SYNDIG1: variants seen among roughly 807,000 people sequenced by gnomAD.
The protein encoded by SYNDIG1 is synapse differentiation inducing 1.
In SYNDIG1, 9 loss-of-function variants were observed where a neutral mutation model predicts 19.4. The observed-to-expected ratio is 0.46, with a 90% CI of 0.28 to 0.81. SYNDIG1 has a LOEUF of 0.81. SYNDIG1 is among the 30% of genes least tolerant of loss of function. SYNDIG1 has a pLI of 0.12. For missense variants in SYNDIG1, 311 were observed against 343.3 expected, an observed-to-expected ratio of 0.91 and a Z score of 0.74; for synonymous variants, 141 against 145.9, an observed-to-expected ratio of 0.97 and a Z score of 0.24.
intron 3 of SYNDIG1, among the ~76,000 whole-genome samples, chr20:24,638,542 A>T (rs1186004176): frequency 6.6e-6 from 1 of 151,928 alleles, no homozygotes; most frequent in Admixed American, 6.6e-5. Flanking sequence ...TATTTTTTTT[A>T]AATAGAGACT....
At chr20:24,492,667 G>A (rs1372702708) in intron 1 of SYNDIG1, among the ~76,000 whole-genome samples, 6 of 151,710 alleles carry the variant, frequency 4.0e-5, no homozygotes, top group East Asian at 3.9e-4. Context: ...TCCTTCCCCC[G>A]CTACATTGCT....
At chr20:24,507,447 C>T (rs60630524) in intron 1 of SYNDIG1, among the ~76,000 whole-genome samples, 7 of 152,312 alleles carry the variant, frequency 4.6e-5, no homozygotes, top group Admixed American at 2.6e-4. Context: ...AGGGCTTTTC[C>T]GGAAGGAGCT....
chr20:24,620,031 C>G (rs1383757883), intron 3 of SYNDIG1, among the ~76,000 whole-genome samples: 2 of 152,206 alleles, frequency 1.3e-5, no homozygotes, highest in Non-Finnish European at 2.9e-5. Context: ...CCCTAAGACC[C>G]TACAGGAGAA....
At chr20:24,597,716 G>A (rs536415463) in intron 3 of SYNDIG1, among the ~76,000 whole-genome samples, 54 of 152,282 alleles carry the variant, frequency 3.5e-4, no homozygotes, top group African/African-American at 1.3e-3. Flanking sequence ...CAGCGAACAC[G>A]GGGGAAATGG....
At position 24,592,406 on chromosome 20, in the gene SYNDIG1, A is replaced by G. The variant is rs546641819; in HGVS notation, c.618+7413A>G. 1.4e-4 allele frequency among the ~76,000 whole-genome samples: 22 copies of G among 152,270 alleles called. No homozygotes were observed. The East Asian group carries it at 4.1e-3, about 28-fold the overall frequency. On this transcript the variant is annotated intron_variant, in intron 3 of 3. Coordinates refer to ENST00000376862, the MANE Select transcript of SYNDIG1 (RefSeq NM_024893.3). ...GCAATGTTTTCTATCCATTTCCCAG[A>G]AAGAGCCTAAACCTTCCTGTAACCA...
At chr20:24,500,530 CT>C (rs1555786845) in intron 1 of SYNDIG1, among the ~76,000 whole-genome samples, 1 of 106,080 alleles carries the variant, frequency 9.4e-6, no homozygotes, top group African/African-American at 3.8e-5. Context: ...TTCTTTCTTT[CT>C]TCTTTCTTTC....
chr20:24,610,771 C>T (rs1170699310), intron 3 of SYNDIG1, among the ~76,000 whole-genome samples: 1 of 152,178 alleles, frequency 6.6e-6, no homozygotes, highest in Non-Finnish European at 1.5e-5. Flanking sequence ...CTGGACCAGG[C>T]ACTGTGTATT....
intron 1 of SYNDIG1, among the ~76,000 whole-genome samples, chr20:24,536,911 A>G (rs1440657329): frequency 1.3e-5 from 2 of 151,982 alleles, no homozygotes; most frequent in African/African-American, 4.8e-5. Context: ...AGGGCATCAC[A>G]CCCTTCTTAC....
chr20:24,617,220 T>C (rs1279372379), intron 3 of SYNDIG1, among the ~76,000 whole-genome samples: 1 of 152,168 alleles, frequency 6.6e-6, no homozygotes, highest in East Asian at 1.9e-4. Flanking sequence ...TGCAAGGGGC[T>C]GCTCACCCTC....
intron 3 of SYNDIG1, among the ~76,000 whole-genome samples, chr20:24,599,317 A>C (rs985868528): frequency 7.9e-5 from 12 of 152,230 alleles, no homozygotes; most frequent in African/African-American, 2.7e-4. Flanking sequence ...AATGACTATT[A>C]TTAAAAAGAC....
intron 3 of SYNDIG1, among the ~76,000 whole-genome samples, chr20:24,653,873 C>T (rs1305751679): frequency 6.6e-6 from 1 of 152,206 alleles, no homozygotes; most frequent in Non-Finnish European, 1.5e-5. Context: ...TCCCTGTCAT[C>T]TCTTCCTGTA....
chr20:24,585,262 T>C (rs1001327449), intron 3 of SYNDIG1, among the ~76,000 whole-genome samples: 8 of 152,174 alleles, frequency 5.3e-5, no homozygotes, highest in African/African-American at 1.9e-4. Flanking sequence ...CTGAAGCCGG[T>C]GTCTGCTGGG....
Position 24,584,944 on chromosome 20 carries a change from T to C in SYNDIG1, c.569T>C (p.Leu190Pro). The C allele has an allele frequency of 1.2e-6, 2 of 1,613,952 alleles. No homozygotes were observed. Among genetic ancestry groups the C allele is most frequent in the Non-Finnish European group, 1.7e-6 (2 of 1,180,008 alleles). ...DHLGLSVFSMLCCFWPLGIAA... is the reference protein window; with the variant it reads ...DHLGLSVFSMPCCFWPLGIAA... The stretch of plus-strand genomic sequence containing the variant: ...CTGGGCCTCAGTGTCTTCTCCATGC[T>C]CTGCTGCTTCTGGCCTCTGGGCATC... Residue 190 changes from leucine to proline, a missense_variant, in exon 3 of 4, where the codon CTC becomes CCC. Transcript: ENST00000376862.
At position 24,607,970 on chromosome 20, in the gene SYNDIG1, C is replaced by G. The variant is rs537985837; in HGVS notation, c.618+22977C>G. Among the ~76,000 whole-genome samples the G allele has an allele frequency of 4.9e-4, 75 of 152,218 alleles. 1 individual carries two copies. In the South Asian group the frequency reaches 0.016, roughly 32 times the overall value. On this transcript the variant is annotated intron_variant, in intron 3 of 3. Coordinates refer to ENST00000376862, the MANE Select transcript of SYNDIG1 (RefSeq NM_024893.3). ...AGAAATCTATTTTAAACACTTTTCC[C>G]GGATGAGATCCTCTTATGAAACAAG...
At chr20:24,631,734 T>TTATA (rs950873318) in intron 3 of SYNDIG1, among the ~76,000 whole-genome samples, 1 of 152,106 alleles carries the variant, frequency 6.6e-6, no homozygotes, top group South Asian at 2.1e-4. Context: ...CTTTCTTGAT[T>TTATA]TATATATATA....
At chr20:24,497,036 C>T (rs1290673167) in intron 1 of SYNDIG1, among the ~76,000 whole-genome samples, 2 of 152,144 alleles carry the variant, frequency 1.3e-5, no homozygotes, top group Non-Finnish European at 2.9e-5. Flanking sequence ...TATTTCATTG[C>T]TAGCTCATAT....
At chr20:24,611,028 C>A (rs2058839341) in intron 3 of SYNDIG1, among the ~76,000 whole-genome samples, 1 of 152,200 alleles carries the variant, frequency 6.6e-6, no homozygotes, top group Non-Finnish European at 1.5e-5. Flanking sequence ...TCTCTCAAAT[C>A]TGCTCCCCTA....
intron 3 of SYNDIG1, among the ~76,000 whole-genome samples, chr20:24,608,512 C>T (rs909682123): frequency 1.3e-5 from 2 of 152,160 alleles, no homozygotes; most frequent in African/African-American, 2.4e-5. Context: ...CCATCACCCG[C>T]CAACTGACCT....
intron 3 of SYNDIG1, among the ~76,000 whole-genome samples, chr20:24,637,518 C>A (rs923579684): frequency 2.0e-5 from 3 of 152,200 alleles, no homozygotes; most frequent in Non-Finnish European, 2.9e-5. Context: ...TCTTGCTCAC[C>A]TAGAAAACCC....
Sources: allele counts gnomAD v4.1 joint callset (sites outside exome capture counted in the v4.1 genomes callset), GRCh38; gene constraint gnomAD v4.1.1; transcripts MANE v1.5; gene names NCBI Gene and HGNC (gene_info 2026-07-23, HGNC 2026-07-21).